HAS1: variants seen among roughly 807,000 people sequenced by gnomAD.
HAS1 encodes HA synthase 1.
HAS1 carries 27 observed loss-of-function variants against 35.0 expected under a neutral mutation model. That is an observed-to-expected ratio of 0.77 (90% CI 0.57 to 1.06). The LOEUF (loss-of-function observed/expected upper bound fraction) is 1.06, where lower values mean the gene tolerates loss of function less well. HAS1 is among the 50% of genes least tolerant of loss of function. The pLI, the probability that HAS1 is intolerant of heterozygous loss-of-function variation, is 0.00. For synonymous variants in HAS1, 409 were observed against 371.2 expected (o/e 1.10, Z -1.17); for missense variants, 940 against 814.8 (o/e 1.15, Z -1.87).
chr19:51,719,219 A>C lies in HAS1; in HGVS notation c.686T>G (p.Val229Gly). 1 of 1,569,090 alleles carries C rather than the reference A, an allele frequency of 6.4e-7. No homozygotes were observed. The highest frequency in any genetic ancestry group is 8.6e-7 in the Non-Finnish European group (1 of 1,156,328). Residue 229 changes from valine (V) to glycine (G), a missense_variant, in exon 2 of 5, where the codon GTG (valine) becomes GGG (glycine). Physicochemically the swap from Val to Gly is moderately radical, Grantham distance 109. Coordinates refer to ENST00000540069, the MANE Select transcript of HAS1 (RefSeq NM_001297436.2). ...YTAFKALGDSVDYVQVCDSDT... is the reference protein window; with the variant it reads ...YTAFKALGDSGDYVQVCDSDT... Reference sequence around the variant, plus strand: ...GCCTCTACTCACCTGCACGTAGTCCACCGAATCTCCGAGCGCCTTGAAGGC... The same window carrying C: ...GCCTCTACTCACCTGCACGTAGTCCCCCGAATCTCCGAGCGCCTTGAAGGC...
chr19:51,714,882 T>C (rs929037973), intron 4 of HAS1, among the ~76,000 whole-genome samples: 3 of 152,128 alleles, frequency 2.0e-5, no homozygotes, highest in African/African-American at 7.2e-5. Flanking sequence ...CTGACACTAT[T>C]ACTAATACTA....
At position 51,716,961 on chromosome 19, in the gene HAS1, T is replaced by G. The variant is rs1400559514; in HGVS notation, c.925+7A>C. The G allele has an allele frequency of 6.3e-7, 1 of 1,596,780 alleles. No homozygotes were observed. Among genetic ancestry groups the G allele is most frequent in the Non-Finnish European group, 8.6e-7 (1 of 1,164,440 alleles). The stretch of plus-strand genomic sequence containing the variant: ...CCACAGCCCTCCCAATCTCTGCCCC[T>G]GCTTACCTAGAGGACCGCTGATGCA... On this transcript the variant is annotated splice_region_variant and intron_variant, in intron 3 of 4. Coordinates refer to ENST00000540069, the MANE Select transcript of HAS1 (RefSeq NM_001297436.2).
intron 4 of HAS1, among the ~76,000 whole-genome samples, chr19:51,714,503 A>G (rs2083571765): frequency 6.8e-6 from 1 of 147,514 alleles, no homozygotes; most frequent in Admixed American, 6.8e-5. Flanking sequence ...AGCCTAGGCA[A>G]CATAGTGAGA....
Position 51,723,969 on chromosome 19 carries a change from G to T in HAS1, c.-36C>A, listed in dbSNP as rs1450731199. The T allele has an allele frequency of 1.3e-6, 2 of 1,535,696 alleles. No homozygotes were observed. On this transcript the variant is annotated 5_prime_UTR_variant, in exon 1 of 5. Transcript: ENST00000540069. The stretch of plus-strand genomic sequence containing the variant: ...CTGGCCGGGCTCTCTCTTCTCTCCG[G>T]CTTGCTCTCCCAGCCTCTCTGTGGC...
intron 4 of HAS1, among the ~76,000 whole-genome samples, chr19:51,714,590 C>T (rs1037414473): frequency 2.1e-5 from 3 of 143,396 alleles, no homozygotes; most frequent in Non-Finnish European, 4.5e-5. Flanking sequence ...ATTTGGGAGG[C>T]TGAGATGGGG....
intron 1 of HAS1, among the ~76,000 whole-genome samples, chr19:51,721,310 T>G (rs1416141421): frequency 6.6e-6 from 1 of 152,174 alleles, no homozygotes; most frequent in African/African-American, 2.4e-5. Context: ...CTCTTCTCTC[T>G]GACTTTCCAG....
At chr19:51,714,258 T>C in intron 4 of HAS1, 156 bp from the exon 5 acceptor site, 6 of 1,253,100 alleles carry the variant, frequency 4.8e-6, no homozygotes, top group Non-Finnish European at 6.5e-6. Context: ...GGGTGGATAA[T>C]GGTTCCTAGG....
In HAS1 at chr19:51,713,937, G is replaced by A; in HGVS notation, c.1224C>T (p.Gly408=). ...AWMTYEAVVS[G]LFPFFVAATV... The stretch of plus-strand genomic sequence containing the variant: ...TGGCCGCCACGAAGAAGGGGAACAG[G>A]CCGGAGACCACCGCCTCGTAGGTCA... Residue 408 remains glycine (G), a synonymous_variant, in exon 5 of 5, where the codon GGC becomes GGT. Transcript: ENST00000540069. This position sits in a 1 kb window ranked among gnomAD's most constrained non-coding sequence, Gnocchi z 4.5. 1.1e-5 allele frequency: 18 copies of A among 1,609,856 alleles called. No individual in the cohort carries two copies. Among genetic ancestry groups the A allele is most frequent in the South Asian group, 5.5e-5 (5 of 91,088 alleles).
rs370273566 is a variant in HAS1 at position 51,713,854 on chromosome 19, C to T, written c.1307G>A (p.Cys436Tyr). The T allele has an allele frequency of 5.6e-6, 9 of 1,606,942 alleles. No homozygotes were observed. In the African/African-American group the frequency reaches 6.7e-5, roughly 12 times the overall value. ...RPWALLWVLLCVQGVALAKAA... is the reference protein window; with the variant it reads ...RPWALLWVLLYVQGVALAKAA... ...CTTGGCCAGTGCCACGCCCTGCACG[C>T]ACAGCAGCACCCACAGCAGCGCCCA... Residue 436 changes from cysteine (C) to tyrosine (Y), a missense_variant, in exon 5 of 5, where the codon TGC (cysteine) becomes TAC (tyrosine). By Grantham distance (194) the Cys-to-Tyr change is radical. Coordinates refer to ENST00000540069, the MANE Select transcript of HAS1 (RefSeq NM_001297436.2). This position sits in a 1 kb window ranked among gnomAD's most constrained non-coding sequence, Gnocchi z 4.5.
chr19:51,719,384 G>T lies in HAS1; in HGVS notation c.521C>A (p.Ala174Glu). The change falls in exon 2 of 5, where the codon GCG (alanine) becomes GAG (glutamate). Residue 174 changes from alanine (A) to glutamate (E), a missense_variant. Ala to Glu is a moderately radical substitution (Grantham distance 107). Transcript: ENST00000540069. The stretch of plus-strand genomic sequence containing the variant: ...ATAGGCTCCGGCGCCCACCGCGCCC[G>T]CCGCCGCGGGTTCCCAGGGCTGGTG... ...NYHQPWEPAA[A>E]GAVGAGAYRE... 1 of 1,582,086 alleles carries T rather than the reference G, an allele frequency of 6.3e-7. No homozygotes were observed.
intron 4 of HAS1, 139 bp downstream of exon 4, chr19:51,716,117 C>T: frequency 1.3e-6 from 1 of 754,002 alleles, no homozygotes; most frequent in South Asian, 1.8e-5. Flanking sequence ...TGGTATCCTC[C>T]TCTCTCCTCT....
Position 51,714,017 on chromosome 19 carries a change from A to G in HAS1, c.1144T>C (p.Tyr382His), listed in dbSNP as rs2083565253. Residue 382 changes from tyrosine (Y) to histidine (H), a missense_variant, in exon 5 of 5, where the codon TAC (tyrosine) becomes CAC (histidine). Coordinates refer to ENST00000540069, the MANE Select transcript of HAS1 (RefSeq NM_001297436.2). ...GCGTTGTACAGCCACTCACGGAAGT[A>G]CGACTTGGACCAGCGTGTCTGCTGG... is the stretch of plus-strand genomic sequence containing the variant. ...LSQQTRWSKSYFREWLYNALW... is the reference protein window; with the variant it reads ...LSQQTRWSKSHFREWLYNALW... The G allele has an allele frequency of 1.2e-6, 2 of 1,614,044 alleles. No individual in the cohort carries two copies. The highest frequency in any genetic ancestry group is 1.1e-5 in the South Asian group (1 of 91,076).
chr19:51,719,132 A>G lies in HAS1; in HGVS notation c.699+74T>C, dbSNP rs1599794023. ...GGGAGAGAGTCATTCAAATCTGTAC[A>G]TTGAAGGAAAGACCCCAGGAAAGTG... On this transcript the variant is annotated intron_variant, in intron 2 of 4. Transcript: ENST00000540069. 35 of 875,122 alleles carry G rather than the reference A, an allele frequency of 4.0e-5. No individual in the cohort carries two copies. The East Asian group carries it at 9.5e-4, about 24-fold the overall frequency. 54.2% of individuals were successfully genotyped at this position (875,122 alleles called of 1,614,324 possible).
rs749727848 is a variant in HAS1, at chr19:51,719,813, A to C, written c.92T>G (p.Ile31Ser). 3.3e-5 allele frequency: 51 copies of C among 1,557,744 alleles called. No individual in the cohort carries two copies. Among genetic ancestry groups the C allele is most frequent in the Non-Finnish European group, 4.4e-5 (51 of 1,154,618 alleles). ...RVLTIAFALL[I>S]LGLMTWAYAA... ...GTAGGCCCAGGTCATGAGGCCCAGG[A>C]TGAGCAGGGCGAAGGCGATGGTCAG... Residue 31 changes from isoleucine (I) to serine (S), a missense_variant, in exon 2 of 5, where the codon ATC becomes AGC. Physicochemically the swap from Ile to Ser is moderately radical, Grantham distance 142. Transcript: ENST00000540069.
At position 51,719,714 on chromosome 19, in the gene HAS1, G is replaced by A; in HGVS notation, c.191C>T (p.Ala64Val). The change falls in exon 2 of 5, where the codon GCG becomes GTG. Residue 64 changes from alanine to valine, a missense_variant. Physicochemically the swap from Ala to Val is moderately conservative, Grantham distance 64. Transcript: ENST00000540069. ...GAAGAGGCTCTGCGCCACCAGGTGC[G>A]CTGAAAGGAAGGCCCCGTAGAGGCC... ...AFGLYGAFLSAHLVAQSLFAY... is the reference protein window; with the variant it reads ...AFGLYGAFLSVHLVAQSLFAY... The A allele has an allele frequency of 1.3e-6, 2 of 1,567,840 alleles. No homozygotes were observed. The highest frequency in any genetic ancestry group is 8.6e-7 in the Non-Finnish European group (1 of 1,162,340).
At chr19:51,723,896 C>CACACAT in intron 1 of HAS1, 29 bp downstream of exon 1, 1 of 1,423,950 alleles carries the variant, frequency 7.0e-7, no homozygotes, top group South Asian at 1.3e-5. Context: ...CACACACACA[C>CACACAT]ACACACACAC....
At chr19:51,721,625 G>T (rs1289027664) in intron 1 of HAS1, among the ~76,000 whole-genome samples, 1 of 152,094 alleles carries the variant, frequency 6.6e-6, no homozygotes. Flanking sequence ...AATTAGCCAG[G>T]CTTGGTGGCG....
At chr19:51,715,708 C>G (rs2083581881) in intron 4 of HAS1, among the ~76,000 whole-genome samples, 1 of 152,178 alleles carries the variant, frequency 6.6e-6, no homozygotes, top group South Asian at 2.1e-4. Context: ...AATCACTCTC[C>G]CCTGAACTTC....
rs1345170731 is a variant in HAS1, at chr19:51,713,924, A to G, written c.1237T>C (p.Phe413Leu). 1 of 1,608,860 alleles carries G rather than the reference A, an allele frequency of 6.2e-7. No individual in the cohort carries two copies. The highest frequency in any genetic ancestry group is 1.1e-5 in the South Asian group (1 of 91,088). The change falls in exon 5 of 5, where the codon TTC (phenylalanine) becomes CTC (leucine). Residue 413 changes from phenylalanine to leucine, a missense_variant. Coordinates refer to ENST00000540069, the MANE Select transcript of HAS1 (RefSeq NM_001297436.2). This position sits in a 1 kb window ranked among gnomAD's most constrained non-coding sequence, Gnocchi z 4.5. The part of the protein sequence containing the change: ...EAVVSGLFPF[F>L]VAATVLRLFY... ...AGACGCAGCACAGTGGCCGCCACGA[A>G]GAAGGGGAACAGGCCGGAGACCACC...
Sources: gnomAD v4.1 joint callset for allele counts (sites outside exome capture counted in the v4.1 genomes callset) on GRCh38, gnomAD v4.1.1 for gene constraint, Gnocchi (gnomAD v3.1) non-coding constraint, MANE v1.5 for transcripts, NCBI Gene and HGNC (gene_info 2026-07-23, HGNC 2026-07-21) for gene names.